The following SYNDIG1 variants were observed in gnomAD, a reference collection of about 807,000 sequenced individuals.
SYNDIG1 encodes synapse differentiation inducing 1.
SYNDIG1 carries 9 observed loss-of-function variants against 19.4 expected under a neutral mutation model. That is an observed-to-expected ratio of 0.46 (90% CI 0.28 to 0.81). The LOEUF is 0.81. Among genes scored for constraint, SYNDIG1 ranks in the 30% least tolerant of loss-of-function variants. SYNDIG1 has a pLI of 0.12. For missense variants in SYNDIG1, 311 were observed against 343.3 expected (o/e 0.91, Z 0.74); for synonymous variants, 141 against 145.9 (o/e 0.97, Z 0.24).
At chr20:24,649,716 C>A (rs1157308914) in intron 3 of SYNDIG1, among the ~76,000 whole-genome samples, 1 of 152,118 alleles carries the variant, frequency 6.6e-6, no homozygotes, top group African/African-American at 2.4e-5. Flanking sequence ...AGCCACACAC[C>A]CCCAGTCCTG....
At chr20:24,557,744 C>CG (rs1479144153) in intron 2 of SYNDIG1, among the ~76,000 whole-genome samples, 1 of 152,122 alleles carries the variant, frequency 6.6e-6, no homozygotes, top group Non-Finnish European at 1.5e-5. Flanking sequence ...TTAGGCTGCT[C>CG]GGGGGTCAGG....
chr20:24,500,417 A>G (rs188007780), intron 1 of SYNDIG1, among the ~76,000 whole-genome samples: 286 of 152,296 alleles, frequency 1.9e-3, no homozygotes, highest in Non-Finnish European at 3.4e-3. Context: ...CTGTTCAGGC[A>G]TTTCAGTATC....
intron 3 of SYNDIG1, among the ~76,000 whole-genome samples, chr20:24,609,043 A>T (rs775242341): frequency 1.3e-5 from 2 of 152,140 alleles, no homozygotes; most frequent in Non-Finnish European, 2.9e-5. Flanking sequence ...ATCCAGGGCT[A>T]TTTTACGTAC....
intron 1 of SYNDIG1, among the ~76,000 whole-genome samples, chr20:24,515,892 G>T: frequency 6.6e-6 from 1 of 152,064 alleles, no homozygotes; most frequent in Non-Finnish European, 1.5e-5. Context: ...ACAATCCTAA[G>T]CCAAAAGAAC....
At chr20:24,535,340 C>G (rs2057340215) in intron 1 of SYNDIG1, among the ~76,000 whole-genome samples, 1 of 152,214 alleles carries the variant, frequency 6.6e-6, no homozygotes, top group Non-Finnish European at 1.5e-5. Context: ...CAGCAGTGTG[C>G]TTTCTTCCTA....
rs1374932188 is a variant in SYNDIG1, at chr20:24,666,332, C to A, written c.*828C>A. The A allele has an allele frequency of 6.6e-6, 1 of 152,620 alleles. No homozygotes were observed. Among genetic ancestry groups the A allele is most frequent in the African/African-American group, 2.4e-5 (1 of 41,444 alleles). 9.5% of individuals were successfully genotyped at this position (152,620 alleles called of 1,614,324 possible). On this transcript the variant is annotated 3_prime_UTR_variant, in exon 4 of 4. Transcript: ENST00000376862. ...CTGCCTCAGCCTAAAGACACAGGGG[C>A]GCCTCCCAATCACCGCGCTGGCGGA...
chr20:24,633,731 G>T (rs2059282943), intron 3 of SYNDIG1, among the ~76,000 whole-genome samples: 1 of 152,144 alleles, frequency 6.6e-6, no homozygotes, highest in African/African-American at 2.4e-5. Flanking sequence ...TGGCAGTCTG[G>T]GTGTGAATGC....
intron 3 of SYNDIG1, among the ~76,000 whole-genome samples, chr20:24,653,011 C>G (rs1476133407): frequency 6.6e-6 from 1 of 152,206 alleles, no homozygotes; most frequent in Non-Finnish European, 1.5e-5. Flanking sequence ...TCTCCCTACC[C>G]TTGTCTCAGA....
intron 3 of SYNDIG1, among the ~76,000 whole-genome samples, chr20:24,602,752 G>T (rs917285827): frequency 6.6e-6 from 1 of 152,122 alleles, no homozygotes; most frequent in Non-Finnish European, 1.5e-5. Context: ...ATTTTTAGCT[G>T]TCTTCTGTAG....
chr20:24,571,747 G>A (rs1267308688), intron 2 of SYNDIG1, among the ~76,000 whole-genome samples: 1 of 152,176 alleles, frequency 6.6e-6, no homozygotes, highest in Non-Finnish European at 1.5e-5. Flanking sequence ...CCCATCCCTT[G>A]ATAAATAACC....
At chr20:24,523,899 C>G (rs544380158) in intron 1 of SYNDIG1, among the ~76,000 whole-genome samples, 1 of 152,290 alleles carries the variant, frequency 6.6e-6, no homozygotes, top group Non-Finnish European at 1.5e-5. Flanking sequence ...TGCTGCTGGC[C>G]AGCTGCCATG....
chr20:24,638,084 T>C (rs1253975869), intron 3 of SYNDIG1, among the ~76,000 whole-genome samples: 5 of 152,176 alleles, frequency 3.3e-5, no homozygotes, highest in Non-Finnish European at 2.9e-5. Context: ...TCCTAAAAAG[T>C]GGAGGTGAAT....
chr20:24,482,766 G>T (rs2055834901), intron 1 of SYNDIG1, among the ~76,000 whole-genome samples: 1 of 152,192 alleles, frequency 6.6e-6, no homozygotes, highest in South Asian at 2.1e-4. Flanking sequence ...GCTGTGCTGG[G>T]TATGTATTTA....
Position 24,636,314 on chromosome 20 carries a change from A to T in SYNDIG1, c.619-29032A>T, listed in dbSNP as rs551389485. Among the ~76,000 whole-genome samples the T allele has an allele frequency of 1.2e-4, 19 of 152,342 alleles. No homozygotes were observed. In the South Asian group the frequency reaches 3.7e-3, roughly 30 times the overall value. On this transcript the variant is annotated intron_variant, in intron 3 of 3. Transcript: ENST00000376862. ...CGTGCCAAGGGAATAGAGGAAATGG[A>T]CATACAAGAAGTGTATTTAAGAGTG...
chr20:24,554,853 T>A (rs1169087495), intron 2 of SYNDIG1, among the ~76,000 whole-genome samples: 11 of 151,746 alleles, frequency 7.2e-5, no homozygotes, highest in Non-Finnish European at 1.6e-4. Context: ...CTTTTTCTAT[T>A]GATTGGAATA....
chr20:24,534,274 C>A (rs1351299404), intron 1 of SYNDIG1, among the ~76,000 whole-genome samples: 1 of 152,166 alleles, frequency 6.6e-6, no homozygotes, highest in Non-Finnish European at 1.5e-5. Context: ...AGGGCCTAAG[C>A]TAGAAGCAGG....
chr20:24,663,976 T>C (rs2059626675), intron 3 of SYNDIG1, among the ~76,000 whole-genome samples: 4 of 152,184 alleles, frequency 2.6e-5, no homozygotes, highest in Admixed American at 2.6e-4. Flanking sequence ...TTCATTCATT[T>C]ATTCATTCAT....
At chr20:24,492,049 C>T (rs1437203441) in intron 1 of SYNDIG1, among the ~76,000 whole-genome samples, 1 of 152,226 alleles carries the variant, frequency 6.6e-6, no homozygotes, top group Non-Finnish European at 1.5e-5. Context: ...GCTGAGAGGA[C>T]CCCACTAACA....
intron 3 of SYNDIG1, among the ~76,000 whole-genome samples, chr20:24,663,249 G>C (rs967895534): frequency 6.6e-6 from 1 of 152,178 alleles, no homozygotes; most frequent in Non-Finnish European, 1.5e-5. Flanking sequence ...TATCTCCAGC[G>C]ATCAGGCCCC....
Sources: allele counts gnomAD v4.1 joint callset (sites outside exome capture counted in the v4.1 genomes callset), GRCh38; gene constraint gnomAD v4.1.1; transcripts MANE v1.5; gene names NCBI Gene and HGNC (gene_info 2026-07-23, HGNC 2026-07-21).